TAF1: variants seen among roughly 807,000 people sequenced by gnomAD.
TAF1 encodes TATA-box binding protein associated factor 1.
Under a neutral mutation model 138.5 loss-of-function variants are expected in TAF1, and 2 were observed. The ratio of observed to expected loss-of-function variants is 0.01; its 90% confidence interval spans 0.01 to 0.05. The LOEUF is 0.05. Ranked by LOEUF, TAF1 falls within the 10% of genes least tolerant of loss-of-function variation. TAF1 has a pLI of 1.00. For missense variants in TAF1, 709 were observed against 1,478.0 expected (o/e 0.48, Z 8.53); for synonymous variants, 437 against 503.2 (o/e 0.87, Z 1.76).
At chrX:71,441,353 AAC>A (rs1356382828) in intron 32 of TAF1, among the ~76,000 whole-genome samples, 2 of 111,273 alleles carry the variant, frequency 1.8e-5, no homozygotes, top group Non-Finnish European at 3.8e-5. Flanking sequence ...ATTTTTGAAA[AAC>A]AGCATAAGAA....
chrX:71,403,787 A>G (rs1203394941), intron 25 of TAF1, among the ~76,000 whole-genome samples: 1 of 110,931 alleles, frequency 9.0e-6, no homozygotes, highest in Non-Finnish European at 1.9e-5. Context: ...AAGTATTACT[A>G]TGGATTCTGA....
At chrX:71,423,672 C>A (rs2036462914) in intron 30 of TAF1, among the ~76,000 whole-genome samples, 1 of 111,219 alleles carries the variant, frequency 9.0e-6, no homozygotes, top group Non-Finnish European at 1.9e-5. Context: ...AACAGAGTTT[C>A]CTTTTGTACT....
intron 28 of TAF1, among the ~76,000 whole-genome samples, chrX:71,419,836 C>T (rs1467883770): frequency 2.7e-5 from 3 of 111,668 alleles, no homozygotes; most frequent in Non-Finnish European, 3.8e-5. Flanking sequence ...GTGTCCATGG[C>T]GAATCCCCAG....
chrX:71,457,210 C>A (rs1410302743), intron 34 of TAF1, among the ~76,000 whole-genome samples: 1 of 111,623 alleles, frequency 9.0e-6, no homozygotes, highest in African/African-American at 3.3e-5. Flanking sequence ...GTTTTGTTTC[C>A]TTTTTTAAAA....
intron 33 of TAF1, 121 bp downstream of exon 33, chrX:71,454,358 A>G (rs2038188211): frequency 1.0e-5 from 6 of 575,700 alleles, no homozygotes; most frequent in Non-Finnish European, 1.6e-5. Context: ...GGTCCCAGCT[A>G]CTCGTCTGAG....
intron 13 of TAF1, among the ~76,000 whole-genome samples, chrX:71,524,019 C>CTTTTTT (rs397895424): frequency 2.6e-5 from 2 of 76,374 alleles, no homozygotes; most frequent in East Asian, 4.3e-4. Context: ...TGTAATAGTT[C>CTTTTTT]TTTTTTTTTT....
chrX:71,518,856 C>T (rs1446397621), intron 13 of TAF1, among the ~76,000 whole-genome samples: 5 of 105,340 alleles, frequency 4.7e-5, no homozygotes, highest in South Asian at 4.4e-4. Flanking sequence ...CCACCATGCC[C>T]GGATAATTTT....
At chrX:71,433,806 G>A (rs760758086) in intron 32 of TAF1, among the ~76,000 whole-genome samples, 1 of 109,074 alleles carries the variant, frequency 9.2e-6, no homozygotes, top group African/African-American at 3.3e-5. Flanking sequence ...TGTCTGGGTA[G>A]TAGCAGTGGA....
chrX:71,476,943 C>CTT (rs771577678), intron 13 of TAF1, among the ~76,000 whole-genome samples: 2 of 102,671 alleles, frequency 1.9e-5, no homozygotes, highest in African/African-American at 7.0e-5. Flanking sequence ...AAATTTTAGA[C>CTT]TTTTTTTTTT....
Position 71,368,254 on chromosome X carries a change from C to T in TAF1, c.352+84C>T, listed in dbSNP as rs1014316902. 37 of 966,015 alleles carry T rather than the reference C, an allele frequency of 3.8e-5. No individual in the cohort carries two copies. The African/African-American group carries it at 6.9e-4, about 18-fold the overall frequency. 79.6% of individuals were successfully genotyped at this position (966,015 alleles called of 1,213,427 possible). A position where few individuals can be genotyped will look rare whatever the true frequency, so the allele number is the denominator to read the frequency against. ...GTTTGGGCTCTGGTTTCTATACCCG[C>T]TGTCTGCCATTGTTTCTGCTCTCTA... On this transcript the variant is annotated intron_variant, in intron 3 of 37. Transcript: ENST00000423759.
At chrX:71,508,086 C>CTCTCTCTCTATATATATATA (rs4040068) in intron 13 of TAF1, among the ~76,000 whole-genome samples, 23 of 92,171 alleles carry the variant, frequency 2.5e-4, no homozygotes, top group African/African-American at 8.6e-4. Flanking sequence ...CTCTCTCTCT[C>CTCTCTCTCTATATATATATA]TATATATATA....
At chrX:71,453,589 A>T (rs1250859865) in intron 32 of TAF1, among the ~76,000 whole-genome samples, 1 of 110,333 alleles carries the variant, frequency 9.1e-6, no homozygotes, top group Admixed American at 9.6e-5. Flanking sequence ...ACCTACAATG[A>T]CATATCATTA....
chrX:71,425,912 T>C (rs1018162244), intron 32 of TAF1, among the ~76,000 whole-genome samples: 1 of 111,156 alleles, frequency 9.0e-6, no homozygotes, highest in Non-Finnish European at 1.9e-5. Flanking sequence ...AAAATTATAG[T>C]ACTTAAATTT....
At chrX:71,492,942 GCCT>G (rs2147544918) in intron 13 of TAF1, 1 of 112,828 alleles carries the variant, frequency 8.9e-6, no homozygotes, top group African/African-American at 3.2e-5. Context: ...CCTCGGCCCG[GCCT>G]CCGGCATTGC....
intron 8 of TAF1, 133 bp downstream of exon 8, chrX:71,379,164 G>A: frequency 1.6e-6 from 1 of 636,833 alleles, no homozygotes; most frequent in South Asian, 3.2e-5. Context: ...TGCCCAGGAT[G>A]GAGTGCAATG....
intron 22 of TAF1, among the ~76,000 whole-genome samples, chrX:71,395,089 T>A (rs1336161166): frequency 9.0e-6 from 1 of 111,492 alleles, no homozygotes; most frequent in African/African-American, 3.3e-5. Context: ...TTGTAGAAAT[T>A]GAGGGTGGGA....
Position 71,477,242 on chromosome X carries a change from A to AT in TAF1, c.1366+16443dup, listed in dbSNP as rs766680926. Among the ~76,000 whole-genome samples the AT allele has an allele frequency of 9.0e-5, 10 of 110,818 alleles. No individual in the cohort carries two copies. The East Asian group carries it at 2.0e-3, about 22-fold the overall frequency. ...GCATGATCCACTGTGCCTGGCCAAA[A>AT]TTTTAGATCTTTTAGGAGAAATAAA... On this transcript the variant is annotated intron_variant and NMD_transcript_variant, in intron 13 of 14. Coordinates refer to the TAF1 transcript ENST00000373775.
At position 71,503,300 on chromosome X, in the gene TAF1, A is replaced by G. The variant is rs199785541; in HGVS notation, c.1367-25242A>G. 1.4e-3 allele frequency among the ~76,000 whole-genome samples: 118 copies of G among 82,625 alleles called. 1 individual carries two copies. Among genetic ancestry groups the G allele is most frequent in the African/African-American group, 2.0e-3 (41 of 20,402 alleles). 71.7% of individuals were successfully genotyped at this position (82,625 alleles called of 115,157 possible). A position where few individuals can be genotyped will look rare whatever the true frequency, so the allele number is the denominator to read the frequency against. On this transcript the variant is annotated intron_variant and NMD_transcript_variant, in intron 13 of 14. Coordinates refer to the TAF1 transcript ENST00000373775. ...AAAATATATATATATATATATGTGT[A>G]TATATATATATATATATATATGTGT...
At chrX:71,414,220 T>A (rs1351920633) in intron 28 of TAF1, 1 of 69,462 alleles carries the variant, frequency 1.4e-5, no homozygotes, top group Non-Finnish European at 2.7e-5. Context: ...ACACTCTCTA[T>A]ACCCTTAATG....
Sources: allele counts gnomAD v4.1 joint callset (sites outside exome capture counted in the v4.1 genomes callset), GRCh38; gene constraint gnomAD v4.1.1; transcripts MANE v1.5; gene names NCBI Gene and HGNC (gene_info 2026-07-23, HGNC 2026-07-21).